Variants in RAB37 observed in about 807,000 individuals in gnomAD.
RAB37 encodes RAB37, member RAS oncogene family, also known as ras-related protein Rab-37.
RAB37 carries 29 observed loss-of-function variants against 33.1 expected under a neutral mutation model. The observed-to-expected ratio is 0.88, with a 90% CI of 0.65 to 1.20. The LOEUF is 1.20. Among genes scored for constraint, RAB37 ranks in the 50% most tolerant of loss-of-function variants. The probability of loss-of-function intolerance (pLI) is 0.00; values close to 1 mark genes in which losing one functional copy is unlikely to be tolerated. For synonymous variants in RAB37, 128 were observed against 119.5 expected, an observed-to-expected ratio of 1.07 and a Z score of -0.47; for missense variants, 299 against 301.1, an observed-to-expected ratio of 0.99 and a Z score of 0.05.
chr17:74,744,387 G>A lies in RAB37; in HGVS notation c.432+14G>A. The A allele has an allele frequency of 6.2e-7, 1 of 1,613,882 alleles. No homozygotes were observed. The highest frequency in any genetic ancestry group is 8.5e-7 in the Non-Finnish European group (1 of 1,179,810). On this transcript the variant is annotated intron_variant, in intron 6 of 8. Coordinates refer to ENST00000392613, the MANE Select transcript of RAB37 (RefSeq NM_001006638.3). This position sits in a 1 kb window ranked among gnomAD's most constrained non-coding sequence, Gnocchi z 4.2. Reference sequence around the variant, plus strand: ...CTAGGCAACAAGGTGAGTGGCTCCGGGGCAGGGTCAGCCCAGCCCTGCACT... The same window carrying A: ...CTAGGCAACAAGGTGAGTGGCTCCGAGGCAGGGTCAGCCCAGCCCTGCACT...
At chr17:74,681,850 C>T (rs985941111) in intron 1 of RAB37, among the ~76,000 whole-genome samples, 3 of 152,078 alleles carry the variant, frequency 2.0e-5, no homozygotes, top group African/African-American at 7.2e-5. Flanking sequence ...TTGTCTACTG[C>T]CTTCCCTCTT....
At chr17:74,704,487 T>C in intron 1 of RAB37, 1 of 1,610,474 alleles carries the variant, frequency 6.2e-7, no homozygotes, top group Non-Finnish European at 8.5e-7. Flanking sequence ...CCTGGGTCAA[T>C]GGTCACTTGA....
chr17:74,732,652 T>A (rs989476990), upstream of RAB37, among the ~76,000 whole-genome samples: 2 of 148,624 alleles, frequency 1.3e-5, no homozygotes, highest in African/African-American at 5.0e-5. Context: ...GTGTATGTGG[T>A]GTGATTTGAT....
At chr17:74,700,467 G>A (rs780005505) in intron 1 of RAB37, among the ~76,000 whole-genome samples, 3 of 152,060 alleles carry the variant, frequency 2.0e-5, no homozygotes, top group Admixed American at 6.6e-5. Context: ...TCGACTGAGC[G>A]CGGTGGCTTA....
chr17:74,708,252 A>G (rs1294431994), intron 1 of RAB37, among the ~76,000 whole-genome samples: 1 of 152,200 alleles, frequency 6.6e-6, no homozygotes, highest in Non-Finnish European at 1.5e-5. Flanking sequence ...CACAGCTATT[A>G]TATTTAAATA....
At position 74,714,433 on chromosome 17, in the gene RAB37, A is replaced by ACG. The variant is rs1555590440; in HGVS notation, c.73-14821_73-14820dup. ...CACACACACACACACACACACACACACGCACGCACAGAGAGGTTCAGAGAG... is the reference window on the plus strand; with the variant it reads ...CACACACACACACACACACACACACACGCGCACGCACAGAGAGGTTCAGAGAG... On this transcript the variant is annotated intron_variant, in intron 1 of 7. Transcript: ENST00000340415. Among the ~76,000 whole-genome samples, 397 of 149,306 alleles carry ACG rather than the reference A, an allele frequency of 2.7e-3. 2 individuals are homozygous for ACG. The highest frequency in any genetic ancestry group is 0.01 in the Middle Eastern group (3 of 294).
At position 74,745,258 on chromosome 17, in the gene RAB37, C is replaced by G. The variant is rs1478162269; in HGVS notation, c.567-48C>G. 1.3e-6 allele frequency: 2 copies of G among 1,581,882 alleles called. No homozygotes were observed. The highest frequency in any genetic ancestry group is 1.7e-6 in the Non-Finnish European group (2 of 1,151,604). ...GAGGGGAGGGGGCGGCTCAGCTCCT[C>G]ACCCCAGCCCAGCCCAGCCCAGCCC... On this transcript the variant is annotated intron_variant, in intron 8 of 8. Transcript: ENST00000392613. This position sits in a 1 kb window ranked among gnomAD's most constrained non-coding sequence, Gnocchi z 4.5.
At chr17:74,732,627 T>C (rs1031384311), upstream of RAB37, among the ~76,000 whole-genome samples, 3 of 121,410 alleles carry the variant, frequency 2.5e-5, no homozygotes, top group African/African-American at 9.2e-5. Flanking sequence ...TGATTTGAAG[T>C]GTGTGTGGTG....
chr17:74,744,302 C>A lies in RAB37; in HGVS notation c.367-6C>A. 3 of 1,612,490 alleles carry A rather than the reference C, an allele frequency of 1.9e-6. No individual in the cohort carries two copies. Among genetic ancestry groups the A allele is most frequent in the Non-Finnish European group, 2.5e-6 (3 of 1,179,126 alleles). On this transcript the variant is annotated splice_polypyrimidine_tract_variant and splice_region_variant and intron_variant, in intron 5 of 8. Transcript: ENST00000392613. The surrounding 1 kb of genome is among the most constrained non-coding windows in gnomAD (Gnocchi z 4.2). Reference sequence around the variant, plus strand: ...GAATGCCAGTCTCGCACGCCCTCTCCCACAGGCCTGGCTCACTGAGATTCA... The same window carrying A: ...GAATGCCAGTCTCGCACGCCCTCTCACACAGGCCTGGCTCACTGAGATTCA...
chr17:74,720,941 C>G lies in RAB37; in HGVS notation c.73-8315C>G, dbSNP rs557964703. Among the ~76,000 whole-genome samples the G allele has an allele frequency of 3.3e-4, 51 of 152,296 alleles. 1 individual carries two copies. The South Asian group carries it at 0.01, about 31-fold the overall frequency. ...GAAGAAGGTGATCTTTCCCTGAAGC[C>G]TGGCTGGAGATAACCGGGCTCCTCT... On this transcript the variant is annotated intron_variant, in intron 1 of 7. Transcript: ENST00000340415.
intron 1 of RAB37, 70 bp from the exon 2 acceptor site, chr17:74,740,698 G>T: frequency 2.8e-6 from 3 of 1,067,930 alleles, no homozygotes; most frequent in Non-Finnish European, 4.4e-6. Flanking sequence ...TCCTCTCCAT[G>T]TGTCTCTCTC....
chr17:74,736,733 C>A, upstream of RAB37: 1 of 1,535,714 alleles, frequency 6.5e-7, no homozygotes, highest in Non-Finnish European at 8.7e-7. Context: ...TGCTGCAAGG[C>A]GAGTACGGGT....
At chr17:74,695,805 C>A in intron 1 of RAB37, 1 of 1,614,170 alleles carries the variant, frequency 6.2e-7, no homozygotes. Flanking sequence ...GAGGTTCCGG[C>A]CAGCTGCAGG....
At chr17:74,704,239 G>T (rs780104745) in intron 1 of RAB37, 14 of 523,428 alleles carry the variant, frequency 2.7e-5, no homozygotes, top group Non-Finnish European at 4.8e-5. Context: ...ACTGAGCTGT[G>T]CAGAGGTAAA....
At chr17:74,690,832 A>T (rs2143503180) in intron 1 of RAB37, among the ~76,000 whole-genome samples, 1 of 152,342 alleles carries the variant, frequency 6.6e-6, no homozygotes, top group Non-Finnish European at 1.5e-5. Context: ...TGAGAACATA[A>T]AAAGGTCCCT....
At chr17:74,703,112 G>A (rs1210337309) in intron 1 of RAB37, 3 of 1,613,780 alleles carry the variant, frequency 1.9e-6, no homozygotes, top group South Asian at 2.2e-5. Flanking sequence ...TAAACGTAGT[G>A]GAGGTAGGCG....
At chr17:74,679,164 G>A (rs955375143) in intron 1 of RAB37, among the ~76,000 whole-genome samples, 9 of 149,866 alleles carry the variant, frequency 6.0e-5, no homozygotes, top group African/African-American at 1.5e-4. Context: ...TTCCTCCCTC[G>A]CCTGTTTGAA....
chr17:74,725,176 A>G lies in RAB37; in HGVS notation c.73-4080A>G, dbSNP rs796909712. On this transcript the variant is annotated intron_variant, in intron 1 of 7. Coordinates refer to the RAB37 transcript ENST00000340415. ...CACTAAAATGTGGCAGCCTAGGGAC[A>G]AACAACCTCCTGTCCCCAGCCCCCC... Among the ~76,000 whole-genome samples, 30 of 152,282 alleles carry G rather than the reference A, an allele frequency of 2.0e-4. 1 individual carries two copies. The highest frequency in any genetic ancestry group is 7.2e-4 in the African/African-American group (30 of 41,566).
chr17:74,744,251 A>G lies in RAB37; in HGVS notation c.367-57A>G. ...ACTGAGGATAGTCAAACGGAGCAGA[A>G]GAAGAAAGGGGCAGCAGGAGGAAGA... On this transcript the variant is annotated intron_variant, in intron 5 of 8. Coordinates refer to ENST00000392613, the MANE Select transcript of RAB37 (RefSeq NM_001006638.3). This position sits in a 1 kb window ranked among gnomAD's most constrained non-coding sequence, Gnocchi z 4.2. The G allele has an allele frequency of 1.3e-6, 2 of 1,529,856 alleles. No homozygotes were observed. The highest frequency in any genetic ancestry group is 1.8e-6 in the Non-Finnish European group (2 of 1,111,906). The allele number at this position is 1,529,856 out of a possible 1,614,324, so 94.8% of individuals were successfully genotyped here. A position where few individuals can be genotyped will look rare whatever the true frequency, so the allele number is the denominator to read the frequency against.
Sources: gnomAD v4.1 joint callset for allele counts (sites outside exome capture counted in the v4.1 genomes callset) on GRCh38, gnomAD v4.1.1 for gene constraint, Gnocchi (gnomAD v3.1) non-coding constraint, MANE v1.5 for transcripts, NCBI Gene and HGNC (gene_info 2026-07-23, HGNC 2026-07-21) for gene names.